Variants in PREX2 observed in about 807,000 individuals in gnomAD.
PREX2 encodes phosphatidylinositol 3,4,5-trisphosphate-dependent Rac exchanger 2 protein.
In PREX2, 107 loss-of-function variants were observed where a neutral mutation model predicts 203.2. The ratio of observed to expected loss-of-function variants is 0.53; its 90% confidence interval spans 0.45 to 0.62. PREX2 has a LOEUF of 0.62. PREX2 is among the 20% of genes least tolerant of loss of function. The pLI is 0.00. For synonymous variants in PREX2, 672 were observed against 663.6 expected, an observed-to-expected ratio of 1.01 and a Z score of -0.19; for missense variants, 1,777 against 1,955.9, an observed-to-expected ratio of 0.91 and a Z score of 1.72.
intron 37 of PREX2, among the ~76,000 whole-genome samples, chr8:68,196,724 TCC>T (rs147198032): frequency 6.8e-6 from 1 of 146,586 alleles, no homozygotes; most frequent in Non-Finnish European, 1.5e-5. Context: ...GTATGGCACC[TCC>T]CCCCCCCAAC....
intron 1 of PREX2, among the ~76,000 whole-genome samples, chr8:67,989,087 A>G (rs1454804413): frequency 1.3e-5 from 2 of 152,112 alleles, no homozygotes; most frequent in East Asian, 1.9e-4. Flanking sequence ...CCATCTGAGT[A>G]TGTGACCCCC....
chr8:67,960,861 T>C (rs942541474), intron 1 of PREX2, among the ~76,000 whole-genome samples: 2 of 151,764 alleles, frequency 1.3e-5, no homozygotes, highest in African/African-American at 4.8e-5. Flanking sequence ...GGATGTATGA[T>C]AGGCTTTGTT....
intron 1 of PREX2, among the ~76,000 whole-genome samples, chr8:67,961,277 A>T (rs1021272516): frequency 6.6e-6 from 1 of 151,836 alleles, no homozygotes; most frequent in South Asian, 2.1e-4. Flanking sequence ...ATTTCTTTAA[A>T]CATTTTATTT....
intron 25 of PREX2, among the ~76,000 whole-genome samples, chr8:68,111,952 C>T (rs1810544688): frequency 6.6e-6 from 1 of 152,176 alleles, no homozygotes; most frequent in South Asian, 2.1e-4. Flanking sequence ...TGCCTGATAA[C>T]ACCTCAGTGT....
chr8:68,030,303 A>G (rs1267227967), intron 5 of PREX2, among the ~76,000 whole-genome samples, 194 bp from the exon 6 acceptor site: 1 of 152,216 alleles, frequency 6.6e-6, no homozygotes, highest in African/African-American at 2.4e-5. Flanking sequence ...AATTAAAGTG[A>G]CTGCAAAAAT....
chr8:68,104,965 G>T (rs553390935), intron 23 of PREX2, among the ~76,000 whole-genome samples: 1 of 152,062 alleles, frequency 6.6e-6, no homozygotes, highest in Non-Finnish European at 1.5e-5. Flanking sequence ...AGACCTTTTT[G>T]TTTTGTTAAC....
chr8:68,172,550 T>C (rs1300771822), intron 35 of PREX2, among the ~76,000 whole-genome samples: 1 of 152,204 alleles, frequency 6.6e-6, no homozygotes, highest in Non-Finnish European at 1.5e-5. Flanking sequence ...TAAAGTGCTA[T>C]GCATGAGTAC....
At chr8:68,170,732 T>C (rs1811860300) in intron 35 of PREX2, among the ~76,000 whole-genome samples, 1 of 152,196 alleles carries the variant, frequency 6.6e-6, no homozygotes, top group African/African-American at 2.4e-5. Context: ...TTCACCATTC[T>C]CACCCTGTTT....
chr8:68,136,658 CA>C (rs753279655), intron 32 of PREX2, among the ~76,000 whole-genome samples: 81 of 152,112 alleles, frequency 5.3e-4, no homozygotes, highest in Non-Finnish European at 8.5e-4. Flanking sequence ...TTTGCTGCTT[CA>C]AAAGGATTTT....
chr8:68,129,083 T>A (rs1303051998), intron 31 of PREX2, among the ~76,000 whole-genome samples: 4 of 152,220 alleles, frequency 2.6e-5, no homozygotes, highest in African/African-American at 7.2e-5. Context: ...GAGAATATTA[T>A]TGTTTCCACA....
intron 1 of PREX2, among the ~76,000 whole-genome samples, chr8:68,012,187 A>G (rs1307226705): frequency 6.6e-6 from 1 of 152,126 alleles, no homozygotes; most frequent in African/African-American, 2.4e-5. Flanking sequence ...TTTCATATTT[A>G]TTTTTTGTTA....
chr8:68,144,456 A>G (rs557918735), intron 33 of PREX2, among the ~76,000 whole-genome samples: 1 of 152,294 alleles, frequency 6.6e-6, no homozygotes, highest in South Asian at 2.1e-4. Flanking sequence ...GCTAATATAA[A>G]TGGTATTATG....
intron 1 of PREX2, among the ~76,000 whole-genome samples, chr8:67,988,510 A>G (rs1806502306): frequency 6.6e-6 from 1 of 152,180 alleles, no homozygotes. Context: ...TGAGAGTCCC[A>G]TGGCTGAGCC....
At chr8:68,195,227 C>A (rs961064826) in intron 37 of PREX2, among the ~76,000 whole-genome samples, 1 of 152,154 alleles carries the variant, frequency 6.6e-6, no homozygotes, top group Non-Finnish European at 1.5e-5. Context: ...GTTTGATGTT[C>A]CACAGCTATT....
At chr8:67,996,355 C>T (rs957505690) in intron 1 of PREX2, among the ~76,000 whole-genome samples, 1 of 149,812 alleles carries the variant, frequency 6.7e-6, no homozygotes, top group African/African-American at 2.4e-5. Flanking sequence ...ACCACCATGC[C>T]TGGCTAATTT....
intron 35 of PREX2, among the ~76,000 whole-genome samples, chr8:68,191,093 C>G (rs1172619431): frequency 6.6e-6 from 1 of 152,098 alleles, no homozygotes; most frequent in African/African-American, 2.4e-5. Context: ...TATTAGGCCA[C>G]TAGGATTCCA....
intron 24 of PREX2, among the ~76,000 whole-genome samples, 197 bp downstream of exon 24, chr8:68,108,528 T>C (rs1376962605): frequency 6.6e-6 from 1 of 152,206 alleles, no homozygotes; most frequent in East Asian, 1.9e-4. Flanking sequence ...TAGGCATTTT[T>C]GTTATTTTTC....
chr8:68,211,202 G>C (rs1812736132), intron 37 of PREX2, among the ~76,000 whole-genome samples: 1 of 152,146 alleles, frequency 6.6e-6, no homozygotes, highest in Admixed American at 6.5e-5. Context: ...CACAAAGAAT[G>C]TTATCAGCAA....
chr8:68,038,113 G>T (rs1163453077), intron 6 of PREX2, 46 bp from the exon 7 acceptor site: 1 of 1,573,518 alleles, frequency 6.4e-7, no homozygotes, highest in Non-Finnish European at 8.7e-7. Flanking sequence ...ATTTACAGAA[G>T]TGTCAACCAA....
Sources: gnomAD v4.1 joint callset for allele counts (sites outside exome capture counted in the v4.1 genomes callset) on GRCh38, gnomAD v4.1.1 for gene constraint, MANE v1.5 for transcripts, NCBI Gene and HGNC (gene_info 2026-07-23, HGNC 2026-07-21) for gene names.